The following SPAG17 variants were observed in gnomAD, a reference collection of about 807,000 sequenced individuals.
SPAG17 encodes sperm-associated antigen 17.
Under a neutral mutation model 273.6 loss-of-function variants are expected in SPAG17, and 169 were observed. The observed-to-expected ratio is 0.62, with a 90% CI of 0.55 to 0.70. The LOEUF is 0.70. SPAG17 is among the 30% of genes least tolerant of loss of function. The pLI is 0.00. For synonymous variants in SPAG17, 825 were observed against 873.2 expected, an observed-to-expected ratio of 0.94 and a Z score of 0.97; for missense variants, 2,557 against 2,627.8, an observed-to-expected ratio of 0.97 and a Z score of 0.59.
At chr1:118,171,191 G>A (rs1316054903) in intron 1 of SPAG17, among the ~76,000 whole-genome samples, 2 of 152,084 alleles carry the variant, frequency 1.3e-5, no homozygotes, top group African/African-American at 4.8e-5. Context: ...GAAAGATCAT[G>A]GTCAATGAGT....
chr1:118,175,029 T>C (rs1043673041), intron 1 of SPAG17, among the ~76,000 whole-genome samples: 138 of 151,750 alleles, frequency 9.1e-4, no homozygotes, highest in Non-Finnish European at 1.5e-3. Context: ...CTCTTATTTA[T>C]TTATTTATTT....
intron 18 of SPAG17, among the ~76,000 whole-genome samples, chr1:118,057,426 C>T (rs890179463): frequency 6.6e-6 from 1 of 152,102 alleles, no homozygotes; most frequent in Non-Finnish European, 1.5e-5. Flanking sequence ...TGTCTTTCCT[C>T]TGCTCAGACC....
At chr1:118,182,163 C>T (rs1046117173) in intron 1 of SPAG17, among the ~76,000 whole-genome samples, 1 of 152,088 alleles carries the variant, frequency 6.6e-6, no homozygotes, top group African/African-American at 2.4e-5. Flanking sequence ...ACCTTGAAGA[C>T]ATTATGTTAA....
chr1:117,984,974 T>C (rs1656249830), intron 40 of SPAG17, among the ~76,000 whole-genome samples, 192 bp from the exon 41 acceptor site: 1 of 152,230 alleles, frequency 6.6e-6, no homozygotes, highest in African/African-American at 2.4e-5. Context: ...TCACTCACAT[T>C]TCCTACTTCA....
intron 24 of SPAG17, among the ~76,000 whole-genome samples, chr1:118,032,576 GTTTTTATTTA>G (rs1648602479): frequency 6.6e-6 from 1 of 151,306 alleles, no homozygotes; most frequent in South Asian, 2.1e-4. Flanking sequence ...TCCCCTAAAT[GTTTTTATTTA>G]TTTTTATTTA....
Position 118,054,062 on chromosome 1 carries a change from T to A in SPAG17, c.2754A>T (p.Ser918=). The change falls in exon 20 of 49, where the codon TCA becomes TCT. Residue 918 remains serine, a synonymous_variant. Transcript: ENST00000336338. ...SNKGISKTEI[S]DQEKEKEKEK... ...CCTTCTCTTTTTCTTTTTCTTGATC[T>A]GATATCTCTGTTTTGCTGATTCCTT... 1.2e-6 allele frequency: 2 copies of A among 1,607,150 alleles called. No homozygotes were observed. Among genetic ancestry groups the A allele is most frequent in the Non-Finnish European group, 1.7e-6 (2 of 1,176,412 alleles).
At chr1:118,147,737 C>T (rs1442085288) in intron 3 of SPAG17, among the ~76,000 whole-genome samples, 1 of 152,174 alleles carries the variant, frequency 6.6e-6, no homozygotes, top group Non-Finnish European at 1.5e-5. Flanking sequence ...GTACACAACA[C>T]CATGCCATCC....
intron 23 of SPAG17, among the ~76,000 whole-genome samples, chr1:118,038,213 C>A (rs1439503587): frequency 6.6e-6 from 1 of 152,044 alleles, no homozygotes; most frequent in Non-Finnish European, 1.5e-5. Flanking sequence ...CCAGAAAATG[C>A]AGATTAAAAC....
intron 30 of SPAG17, among the ~76,000 whole-genome samples, chr1:118,009,385 A>G (rs942446549): frequency 1.3e-5 from 2 of 152,146 alleles, no homozygotes; most frequent in African/African-American, 2.4e-5. Flanking sequence ...AATATATCCA[A>G]TAAAAACATT....
Position 118,025,426 on chromosome 1 carries a change from G to T in SPAG17, c.3731-10C>A, listed in dbSNP as rs1475881985. The stretch of plus-strand genomic sequence containing the variant: ...TCTATAACATATTGACCTAAAAAAA[G>T]AATAAAGCCTTCTTGTGAACTGGAC... On this transcript the variant is annotated splice_polypyrimidine_tract_variant and intron_variant, in intron 26 of 48. Coordinates refer to ENST00000336338, the MANE Select transcript of SPAG17 (RefSeq NM_206996.4). The T allele has an allele frequency of 7.9e-6, 12 of 1,515,678 alleles. No homozygotes were observed. Among genetic ancestry groups the T allele is most frequent in the Non-Finnish European group, 9.7e-6 (11 of 1,134,108 alleles). 93.9% of individuals were successfully genotyped at this position (1,515,678 alleles called of 1,614,324 possible).
intron 4 of SPAG17, among the ~76,000 whole-genome samples, chr1:118,111,932 A>G (rs960458158): frequency 1.3e-5 from 2 of 152,182 alleles, no homozygotes; most frequent in Non-Finnish European, 2.9e-5. Context: ...TGCTTTCTAA[A>G]AACATCTAAG....
intron 32 of SPAG17, among the ~76,000 whole-genome samples, chr1:118,001,015 A>C (rs1477836153): frequency 2.0e-5 from 3 of 152,112 alleles, no homozygotes; most frequent in Non-Finnish European, 4.4e-5. Context: ...TAGTTTATTG[A>C]GAGTTTTTAG....
At chr1:118,081,735 G>C (rs1257545661) in intron 13 of SPAG17, 93 bp from the exon 14 acceptor site, 11 of 1,045,792 alleles carry the variant, frequency 1.1e-5, no homozygotes, top group Non-Finnish European at 1.4e-5. Flanking sequence ...CTGTCTACCA[G>C]AAAGACAAGA....
intron 20 of SPAG17, among the ~76,000 whole-genome samples, chr1:118,044,106 CTG>C (rs1330026573): frequency 3.9e-5 from 6 of 152,098 alleles, no homozygotes; most frequent in Admixed American, 1.3e-4. Flanking sequence ...ACTATATATA[CTG>C]TGTGTCAGAA....
intron 32 of SPAG17, among the ~76,000 whole-genome samples, chr1:118,001,257 T>C (rs1044171030): frequency 2.0e-5 from 3 of 152,206 alleles, no homozygotes; most frequent in African/African-American, 7.2e-5. Flanking sequence ...TCGATGTTCA[T>C]CAGGGACATT....
intron 3 of SPAG17, among the ~76,000 whole-genome samples, chr1:118,148,167 G>A (rs762423066): frequency 1.3e-5 from 2 of 152,158 alleles, no homozygotes; most frequent in Non-Finnish European, 2.9e-5. Flanking sequence ...GAAATGGGAT[G>A]TTGCAAGACT....
Position 118,027,459 on chromosome 1 carries a change from A to T in SPAG17, c.3730+815T>A, listed in dbSNP as rs544484913. Among the ~76,000 whole-genome samples the T allele has an allele frequency of 3.3e-5, 5 of 152,344 alleles. No individual in the cohort carries two copies. In the South Asian group the frequency reaches 8.3e-4, roughly 25 times the overall value. On this transcript the variant is annotated intron_variant, in intron 26 of 48. Transcript: ENST00000336338. ...ATATAAAAGAGGATATTAAGTTGTG[A>T]AACTGTAAAGAATTGCTGATGTTAT... is the stretch of plus-strand genomic sequence containing the variant.
chr1:118,135,032 G>A (rs1164116375), intron 3 of SPAG17, among the ~76,000 whole-genome samples: 1 of 152,184 alleles, frequency 6.6e-6, no homozygotes, highest in Non-Finnish European at 1.5e-5. Context: ...TTTGAAGGCT[G>A]GAATTAACTT....
At chr1:118,169,756 T>G (rs552738927) in intron 1 of SPAG17, among the ~76,000 whole-genome samples, 1 of 152,172 alleles carries the variant, frequency 6.6e-6, no homozygotes, top group Non-Finnish European at 1.5e-5. Flanking sequence ...ATACCTATCT[T>G]GAACTCATAT....
Sources: gnomAD v4.1 joint callset for allele counts (sites outside exome capture counted in the v4.1 genomes callset) on GRCh38, gnomAD v4.1.1 for gene constraint, MANE v1.5 for transcripts, NCBI Gene and HGNC (gene_info 2026-07-23, HGNC 2026-07-21) for gene names.